PRR16: variants seen among roughly 807,000 people sequenced by gnomAD.
PRR16 encodes proline rich 16, also known as protein Largen.
In PRR16, 6 loss-of-function variants were observed where a neutral mutation model predicts 18.2. The ratio of observed to expected loss-of-function variants is 0.33; its 90% CI spans 0.18 to 0.65. The LOEUF (loss-of-function observed/expected upper bound fraction) is 0.65. Among genes scored for constraint, PRR16 ranks in the 30% least tolerant of loss-of-function variants. PRR16 has a pLI of 0.74. For synonymous variants in PRR16, 151 were observed against 147.8 expected (o/e 1.02, Z -0.16); for missense variants, 412 against 376.6 (o/e 1.09, Z -0.78).
chr5:120,634,671 T>C (rs1960874), intron 1 of PRR16, among the ~76,000 whole-genome samples: 64,503 of 151,814 alleles, frequency 0.42, 14,615 homozygotes, highest in East Asian at 0.87. Context: ...GTCTGAAAGA[T>C]AACAGATAGT....
At chr5:120,753,839 A>T in the PRR16 span, among the ~76,000 whole-genome samples, 393 of 127,452 alleles carry the variant, frequency 3.1e-3, 1 homozygote, top group Non-Finnish European at 5.3e-3. Flanking sequence ...TAATATATAT[A>T]ACTTATATAT....
chr5:120,641,442 G>T (rs998073692), intron 1 of PRR16, among the ~76,000 whole-genome samples: 2 of 152,146 alleles, frequency 1.3e-5, no homozygotes, highest in South Asian at 2.1e-4. Context: ...GGAAAGGGAA[G>T]AAAATATTTT....
the PRR16 span, among the ~76,000 whole-genome samples, chr5:120,742,507 T>TTTTAA: frequency 6.9e-6 from 1 of 145,754 alleles, no homozygotes; most frequent in East Asian, 2.0e-4. Context: ...TATTTTTTAG[T>TTTTAA]TTTATTTTTG....
intron 1 of PRR16, among the ~76,000 whole-genome samples, chr5:120,613,638 A>G (rs1397901752): frequency 6.6e-6 from 1 of 152,146 alleles, no homozygotes; most frequent in Non-Finnish European, 1.5e-5. Context: ...TTTGTATTGT[A>G]GGCTTTTCTT....
At chr5:120,698,499 C>T in the PRR16 span, among the ~76,000 whole-genome samples, 1 of 100,572 alleles carries the variant, frequency 9.9e-6, no homozygotes, top group Non-Finnish European at 2.2e-5. Context: ...GCTGTGATGG[C>T]TTGGAGAAAC....
intron 1 of PRR16, among the ~76,000 whole-genome samples, chr5:120,530,296 T>C (rs1309904662): frequency 7.0e-6 from 1 of 143,218 alleles, no homozygotes; most frequent in East Asian, 2.0e-4. Context: ...TATTTATTTA[T>C]TTATTTATTT....
chr5:120,573,823 CT>C (rs1414151960), intron 1 of PRR16, among the ~76,000 whole-genome samples: 4 of 151,736 alleles, frequency 2.6e-5, no homozygotes, highest in South Asian at 2.1e-4. Context: ...ATTTTTGAAC[CT>C]TAGTTTATAC....
At chr5:120,535,076 C>CGTGTGTGTGTGT (rs34220996) in intron 1 of PRR16, among the ~76,000 whole-genome samples, 15 of 146,336 alleles carry the variant, frequency 1.0e-4, no homozygotes, top group African/African-American at 3.8e-4. Context: ...TCACTTTACA[C>CGTGTGTGTGTGT]GTGTGTGTGT....
chr5:120,539,508 A>C (rs1265395172), intron 1 of PRR16, among the ~76,000 whole-genome samples: 1 of 152,078 alleles, frequency 6.6e-6, no homozygotes, highest in East Asian at 1.9e-4. Context: ...TCTTCAGGAA[A>C]AATTTTGCTA....
At chr5:120,650,340 T>A (rs569302725) in intron 1 of PRR16, among the ~76,000 whole-genome samples, 131 of 152,108 alleles carry the variant, frequency 8.6e-4, no homozygotes, top group Middle Eastern at 3.4e-3. Flanking sequence ...CTTTTTTTTT[T>A]ATTATACTTT....
At chr5:120,651,480 T>C (rs1013757086) in intron 1 of PRR16, among the ~76,000 whole-genome samples, 1 of 152,182 alleles carries the variant, frequency 6.6e-6, no homozygotes, top group East Asian at 1.9e-4. Flanking sequence ...TTTAAGTCTT[T>C]AATCCATCTT....
At position 120,569,473 on chromosome 5, in the gene PRR16, C is replaced by T. The variant is rs181494930; in HGVS notation, c.159+104828C>T. Reference sequence around the variant, plus strand: ...GAGAATTTGGCTACCACATGTAATACGCACAGATGCAGTGTGTTTATTTAA... The same window carrying T: ...GAGAATTTGGCTACCACATGTAATATGCACAGATGCAGTGTGTTTATTTAA... On this transcript the variant is annotated intron_variant, in intron 1 of 1. Coordinates refer to ENST00000407149, the MANE Select transcript of PRR16 (RefSeq NM_001300783.2). Among the ~76,000 whole-genome samples the T allele has an allele frequency of 7.2e-5, 11 of 152,140 alleles. No individual in the cohort carries two copies. In the South Asian group the frequency reaches 8.3e-4, roughly 11 times the overall value.
At chr5:120,497,451 C>G (rs188010277) in intron 1 of PRR16, among the ~76,000 whole-genome samples, 11 of 128,042 alleles carry the variant, frequency 8.6e-5, no homozygotes, top group Non-Finnish European at 1.5e-4. Flanking sequence ...AGTGCAATGG[C>G]GTGATCTTGG....
rs1751863869 is a variant in PRR16 at position 120,540,146 on chromosome 5, T to G, written c.159+75501T>G. ...GCAGTAACAGTGTTTTGTTTTATTT[T>G]ATTTATTTATTTTTTAAATTGAGCC... On this transcript the variant is annotated intron_variant, in intron 1 of 1. Coordinates refer to ENST00000407149, the MANE Select transcript of PRR16 (RefSeq NM_001300783.2). Among the ~76,000 whole-genome samples the G allele has an allele frequency of 2.0e-5, 3 of 152,186 alleles. No individual in the cohort carries two copies. The South Asian group carries it at 6.2e-4, about 32-fold the overall frequency.
the PRR16 span, among the ~76,000 whole-genome samples, chr5:120,774,522 G>A: frequency 6.6e-6 from 1 of 152,072 alleles, no homozygotes; most frequent in African/African-American, 2.4e-5. Context: ...GAAGCCACCC[G>A]ATGCTACTGA....
At chr5:120,487,417 T>A (rs917427508) in intron 1 of PRR16, among the ~76,000 whole-genome samples, 1 of 152,228 alleles carries the variant, frequency 6.6e-6, no homozygotes, top group African/African-American at 2.4e-5. Flanking sequence ...CAATTGTGAA[T>A]GGGCGTTCAC....
chr5:120,474,840 T>G lies in PRR16; in HGVS notation c.159+10195T>G, dbSNP rs150302919. Among the ~76,000 whole-genome samples the G allele has an allele frequency of 3.5e-4, 54 of 152,306 alleles. No individual in the cohort carries two copies. The East Asian group carries it at 9.5e-3, about 27-fold the overall frequency. Reference sequence around the variant, plus strand: ...AACTCAGAAAGAATGAAGGGAGCAGTTGAGGCTGAGCTGCTTGTCTTCTTG... The same window carrying G: ...AACTCAGAAAGAATGAAGGGAGCAGGTGAGGCTGAGCTGCTTGTCTTCTTG... On this transcript the variant is annotated intron_variant, in intron 1 of 1. Coordinates refer to ENST00000407149, the MANE Select transcript of PRR16 (RefSeq NM_001300783.2).
intron 1 of PRR16, among the ~76,000 whole-genome samples, chr5:120,491,468 CCTTTCCTTTCCTTT>C (rs1561514092): frequency 5.3e-4 from 49 of 93,094 alleles, no homozygotes; most frequent in African/African-American, 7.9e-4. Context: ...CCTTTCCTTT[CCTTTCCTTTCCTTT>C]CTTCCTTCCT....
rs1757141246 is a variant in PRR16 at position 120,686,730 on chromosome 5, G to T, written c.*21G>T. On this transcript the variant is annotated 3_prime_UTR_variant, in exon 2 of 2. Transcript: ENST00000407149. ...TGTGATGTATGCCATTAAAAAAATT[G>T]TTTTTTTAATTTTCTATATTATAAA... The T allele has an allele frequency of 2.1e-6, 3 of 1,429,922 alleles. No individual in the cohort carries two copies. Among genetic ancestry groups the T allele is most frequent in the Non-Finnish European group, 1.8e-6 (2 of 1,084,754 alleles). The allele number at this position is 1,429,922 out of a possible 1,614,324, so 88.6% of individuals were successfully genotyped here. A position where few individuals can be genotyped will look rare whatever the true frequency, so the allele number is the denominator to read the frequency against.
Sources: allele counts gnomAD v4.1 joint callset (sites outside exome capture counted in the v4.1 genomes callset), GRCh38; gene constraint gnomAD v4.1.1; transcripts MANE v1.5; gene names NCBI Gene and HGNC (gene_info 2026-07-23, HGNC 2026-07-21).